TNRC6B: variants seen among roughly 807,000 people sequenced by gnomAD.
TNRC6B encodes the protein trinucleotide repeat containing adaptor 6B.
Under a neutral mutation model 203.6 loss-of-function variants are expected in TNRC6B, and 52 were observed. The observed-to-expected ratio is 0.26, with a 90% CI of 0.20 to 0.32. TNRC6B has a LOEUF of 0.32. Among genes scored for constraint, TNRC6B ranks in the 10% least tolerant of loss-of-function variants. TNRC6B has a pLI of 1.00. For synonymous variants in TNRC6B, 838 were observed against 845.7 expected (o/e 0.99, Z 0.16); for missense variants, 1,923 against 2,286.2 (o/e 0.84, Z 3.24).
intron 1 of TNRC6B, among the ~76,000 whole-genome samples, chr22:40,079,322 A>G (rs6001749): frequency 0.37 from 55,901 of 151,918 alleles, 15,082 homozygotes; most frequent in African/African-American, 0.77. Context: ...CTCTCCAGGT[A>G]GCCTTGATAA....
At chr22:40,277,564 A>G (rs2070661889) in intron 8 of TNRC6B, among the ~76,000 whole-genome samples, 1 of 152,216 alleles carries the variant, frequency 6.6e-6, no homozygotes, top group South Asian at 2.1e-4. Flanking sequence ...ATCTCTCGGC[A>G]ACGTTGTGGG....
intron 1 of TNRC6B, among the ~76,000 whole-genome samples, chr22:40,054,165 G>A (rs1055525463): frequency 6.6e-6 from 1 of 152,192 alleles, no homozygotes; most frequent in Non-Finnish European, 1.5e-5. Flanking sequence ...GCAGTCAGCC[G>A]AGATTGCGCC....
At chr22:40,285,807 G>A in intron 12 of TNRC6B, 37 bp downstream of exon 12, 1 of 1,610,330 alleles carries the variant, frequency 6.2e-7, no homozygotes, top group Non-Finnish European at 8.5e-7. Flanking sequence ...CAAAATGAAA[G>A]ACCATTTCAC....
At chr22:40,177,752 T>C (rs893915199), upstream of TNRC6B, among the ~76,000 whole-genome samples, 1 of 152,244 alleles carries the variant, frequency 6.6e-6, no homozygotes, top group Non-Finnish European at 1.5e-5. Context: ...ATGCAGTGTC[T>C]GTAGGCGGAG....
intron 1 of TNRC6B, among the ~76,000 whole-genome samples, chr22:40,101,117 C>T (rs758117782): frequency 7.9e-5 from 12 of 152,108 alleles, no homozygotes; most frequent in Middle Eastern, 3.4e-3. Context: ...CTCAACCTCC[C>T]GAGTGGCTGG....
chr22:40,321,227 C>G lies in TNRC6B; in HGVS notation c.5112C>G (p.His1704Gln). 6.2e-7 allele frequency: 1 copy of G among 1,613,810 alleles called. No homozygotes were observed. Among genetic ancestry groups the G allele is most frequent in the East Asian group, 2.2e-5 (1 of 44,878 alleles). Residue 1704 changes from histidine to glutamine, a missense_variant and splice_region_variant, in exon 22 of 23, where the codon CAC becomes CAG. Around this residue, in one of 8 missense-constraint regions of TNRC6B, gnomAD observed 34 missense variants for 98.5 expected, o/e 0.35. Coordinates refer to ENST00000454349, the MANE Select transcript of TNRC6B (RefSeq NM_001162501.2). ...CGGCCAAGGCCCAAACTGCACTGCA[C>G]ATGTGAGTATTCGGTCCTACACCCA... is the stretch of plus-strand genomic sequence containing the variant. Reference protein sequence around the residue: ...QEAAKAQTALHMCVLGNTTIL... With the variant: ...QEAAKAQTALQMCVLGNTTIL...
chr22:40,265,885 A>G lies in TNRC6B; in HGVS notation c.1655A>G (p.Asn552Ser). ...CACCCCCTCCCTGAAAACCAAGGCA[A>G]TGCCCAGGCTCCCTGTTGGGGAAGA... ...KGHPLPENQG[N>S]AQAPCWGRSS... The change falls in exon 5 of 23, where the codon AAT becomes AGT. Residue 552 changes from asparagine (N) to serine (S), a missense_variant. This residue lies in a region of TNRC6B where 614 missense variants were observed against 587.7 expected (regional missense o/e 1.04). Coordinates refer to ENST00000454349, the MANE Select transcript of TNRC6B (RefSeq NM_001162501.2). The G allele has an allele frequency of 1.9e-6, 3 of 1,614,042 alleles. No individual in the cohort carries two copies. The highest frequency in any genetic ancestry group is 2.2e-5 in the South Asian group (2 of 91,080).
intron 1 of TNRC6B, among the ~76,000 whole-genome samples, chr22:40,203,806 TTCTA>T: frequency 6.6e-6 from 1 of 152,358 alleles, no homozygotes; most frequent in East Asian, 1.9e-4. Context: ...AGCCCCATCT[TTCTA>T]AGGGTTCGGT....
intron 1 of TNRC6B, among the ~76,000 whole-genome samples, chr22:40,240,013 A>G (rs2070006534): frequency 6.6e-6 from 1 of 151,762 alleles, no homozygotes; most frequent in African/African-American, 2.4e-5. Flanking sequence ...TTGTATTTTT[A>G]GTAGAGATGG....
At position 40,332,725 on chromosome 22, in the gene TNRC6B, C is replaced by A. The variant is rs929751404; in HGVS notation, c.*9484C>A. On this transcript the variant is annotated 3_prime_UTR_variant, in exon 23 of 23. Transcript: ENST00000454349. The stretch of plus-strand genomic sequence containing the variant: ...TTCAACTGTCTCACACAAAATAATA[C>A]CTCGAGGTACATTTCCCCCTGCAAT... 1 of 152,542 alleles carries A rather than the reference C, an allele frequency of 6.6e-6. No homozygotes were observed. The highest frequency in any genetic ancestry group is 1.5e-5 in the Non-Finnish European group (1 of 68,016). 9.4% of individuals were successfully genotyped at this position (152,542 alleles called of 1,614,324 possible).
At chr22:40,291,473 G>C (rs901267324) in intron 12 of TNRC6B, among the ~76,000 whole-genome samples, 1 of 152,132 alleles carries the variant, frequency 6.6e-6, no homozygotes, top group African/African-American at 2.4e-5. Context: ...CAAATACAAT[G>C]ACAGGAATTA....
In TNRC6B at chr22:40,262,017, C is replaced by T; in HGVS notation, c.301C>T (p.His101Tyr). 1 of 1,606,972 alleles carries T rather than the reference C, an allele frequency of 6.2e-7. No homozygotes were observed. Among genetic ancestry groups the T allele is most frequent in the Non-Finnish European group, 8.5e-7 (1 of 1,175,976 alleles). ...VPPRFRCQQD[H>Y]KVLLKRGQPP... is the part of the protein sequence containing the mutation. Reference sequence around the variant, plus strand: ...GCCGCGATTCCGTTGCCAGCAGGACCACAAAGTGTTACTAAAACGTGGGCA... The same window carrying T: ...GCCGCGATTCCGTTGCCAGCAGGACTACAAAGTGTTACTAAAACGTGGGCA... The change falls in exon 4 of 23, where the codon CAC becomes TAC. Residue 101 changes from histidine (H) to tyrosine (Y), a missense_variant. His to Tyr is a moderately conservative substitution (Grantham distance 83). Coordinates refer to ENST00000454349, the MANE Select transcript of TNRC6B (RefSeq NM_001162501.2).
intron 3 of TNRC6B, among the ~76,000 whole-genome samples, chr22:40,154,860 A>C (rs12159954): frequency 4.2e-5 from 1 of 23,586 alleles, no homozygotes; most frequent in Non-Finnish European, 6.2e-5. Context: ...AAAAAAAAAA[A>C]ATATATATAT....
In TNRC6B at chr22:40,311,708, A is replaced by AT. The variant is rs1422478014; in HGVS notation, c.4435+721dup. On this transcript the variant is annotated intron_variant, in intron 17 of 22. Transcript: ENST00000454349. Reference sequence around the variant, plus strand: ...AGGCGCCTGCTACCACGCCTGGCTAATTTTTTGTATGTTTAGTAGAGACAG... The same window carrying AT: ...AGGCGCCTGCTACCACGCCTGGCTAATTTTTTTGTATGTTTAGTAGAGACAG... Among the ~76,000 whole-genome samples, 7 of 152,102 alleles carry AT rather than the reference A, an allele frequency of 4.6e-5. No homozygotes were observed. In the East Asian group the frequency reaches 1.4e-3, roughly 29 times the overall value.
chr22:40,177,575 A>G (rs968851623), upstream of TNRC6B, among the ~76,000 whole-genome samples: 3 of 152,168 alleles, frequency 2.0e-5, no homozygotes, highest in African/African-American at 7.2e-5. Flanking sequence ...TTTACAGAGC[A>G]GTTTGCCAGC....
rs913133943 is a variant in TNRC6B at position 40,322,798 on chromosome 22, C to T, written c.5115-56C>T. The T allele has an allele frequency of 1.4e-4, 225 of 1,604,092 alleles. 1 individual carries two copies. The highest frequency in any genetic ancestry group is 3.3e-4 in the Middle Eastern group (2 of 6,048). ...TGTCAAGGACTGCAGTCGCTCCCTCCGTATGCTTTAGGATTTTCCTGAGAT... is the reference window on the plus strand; with the variant it reads ...TGTCAAGGACTGCAGTCGCTCCCTCTGTATGCTTTAGGATTTTCCTGAGAT... On this transcript the variant is annotated intron_variant, in intron 22 of 22. Coordinates refer to ENST00000454349, the MANE Select transcript of TNRC6B (RefSeq NM_001162501.2).
chr22:40,300,243 A>C (rs1289871634), intron 12 of TNRC6B, among the ~76,000 whole-genome samples: 1 of 152,176 alleles, frequency 6.6e-6, no homozygotes, highest in Non-Finnish European at 1.5e-5. Flanking sequence ...TGGAAAGTCT[A>C]AGAAGAAAAT....
Position 40,251,183 on chromosome 22 carries a change from C to T in TNRC6B, c.98C>T (p.Thr33Met), listed in dbSNP as rs1381367021. The T allele has an allele frequency of 2.6e-6, 4 of 1,532,886 alleles. No homozygotes were observed. The highest frequency in any genetic ancestry group is 3.5e-6 in the Non-Finnish European group (4 of 1,136,902). 95.0% of individuals were successfully genotyped at this position (1,532,886 alleles called of 1,614,324 possible). ...TTTTATCTGTTTATTTTGCAGGTCA[C>T]GGAACAAAAAACCAAAGGTAAGATC... ...KKKKEATQKVTEQKTKVPEVT... is the reference protein window; with the variant it reads ...KKKKEATQKVMEQKTKVPEVT... The change falls in exon 3 of 23, where the codon ACG becomes ATG. Residue 33 changes from threonine to methionine, a missense_variant. Around this residue, in one of 8 missense-constraint regions of TNRC6B, gnomAD observed 111 missense variants for 155.3 expected, o/e 0.71. Coordinates refer to ENST00000454349, the MANE Select transcript of TNRC6B (RefSeq NM_001162501.2).
At chr22:40,259,603 A>G (rs2070343994) in intron 3 of TNRC6B, among the ~76,000 whole-genome samples, 1 of 151,948 alleles carries the variant, frequency 6.6e-6, no homozygotes, top group Admixed American at 6.6e-5. Context: ...CCCTCCCCTT[A>G]CTGGGAGGCC....
Sources: allele counts gnomAD v4.1 joint callset (sites outside exome capture counted in the v4.1 genomes callset), GRCh38; gene constraint gnomAD v4.1.1; regional missense constraint gnomAD v4.1.1; transcripts MANE v1.5; gene names NCBI Gene and HGNC (gene_info 2026-07-23, HGNC 2026-07-21).